GNG2: variants seen among roughly 807,000 people sequenced by gnomAD.
The protein encoded by GNG2 is G protein subunit gamma 2.
A neutral mutation model predicts 5.5 loss-of-function variants in GNG2; 5 were observed. The ratio of observed to expected loss-of-function variants is 0.91; its 90% confidence interval spans 0.48 to 1.92. GNG2 has a LOEUF of 1.92. Ranked by LOEUF, GNG2 falls within the 30% of genes most tolerant of loss-of-function variation. GNG2 has a pLI of 0.01. For missense variants in GNG2, 55 were observed against 88.4 expected (o/e 0.62, Z 1.52); for synonymous variants, 28 against 32.0 (o/e 0.88, Z 0.42).
intron 1 of GNG2, among the ~76,000 whole-genome samples, chr14:51,869,946 A>G (rs1174638256): frequency 6.6e-6 from 1 of 152,218 alleles, no homozygotes; most frequent in Non-Finnish European, 1.5e-5. Context: ...TCCCGAGGCC[A>G]TGGAGCAGCC....
chr14:51,916,386 GA>G (rs1886623567), intron 2 of GNG2: 1 of 433,862 alleles, frequency 2.3e-6, no homozygotes, highest in Admixed American at 2.7e-5. Context: ...AATATGGTGG[GA>G]AAACGTGCAC....
intron 3 of GNG2, among the ~76,000 whole-genome samples, chr14:51,966,229 A>AAC (rs1889898086): frequency 6.7e-6 from 1 of 149,242 alleles, no homozygotes; most frequent in African/African-American, 2.5e-5. Flanking sequence ...AAAAAAAAAA[A>AAC]AAAAAAAACA....
chr14:51,827,870 C>A, intron 2 of GNG2: 1 of 622,992 alleles, frequency 1.6e-6, no homozygotes, highest in South Asian at 1.9e-5. Flanking sequence ...AGTGTTTATT[C>A]TCTGAGGGAA....
At chr14:51,951,661 C>T (rs1196996064) in intron 3 of GNG2, among the ~76,000 whole-genome samples, 1 of 152,216 alleles carries the variant, frequency 6.6e-6, no homozygotes, top group African/African-American at 2.4e-5. Context: ...CCTAATTCAG[C>T]ACCTGGGCAA....
intron 2 of GNG2, among the ~76,000 whole-genome samples, chr14:51,837,524 G>A (rs1881364819): frequency 1.3e-5 from 2 of 151,918 alleles, no homozygotes; most frequent in Admixed American, 6.6e-5. Context: ...TCGCATGCCT[G>A]TAGTTTCAGC....
At chr14:51,951,329 C>T (rs1392886437) in intron 3 of GNG2, among the ~76,000 whole-genome samples, 1 of 152,182 alleles carries the variant, frequency 6.6e-6, no homozygotes, top group Non-Finnish European at 1.5e-5. Flanking sequence ...TTTCCTCTCC[C>T]TCCCCAGACC....
At chr14:51,876,409 C>T (rs1342652814) in intron 1 of GNG2, among the ~76,000 whole-genome samples, 1 of 152,206 alleles carries the variant, frequency 6.6e-6, no homozygotes, top group African/African-American at 2.4e-5. Context: ...ATCACTAAAA[C>T]AATGACTGAG....
At chr14:51,850,923 A>G (rs777950928) in intron 2 of GNG2, among the ~76,000 whole-genome samples, 24 of 151,522 alleles carry the variant, frequency 1.6e-4, no homozygotes, top group Non-Finnish European at 3.2e-4. Flanking sequence ...TGATCAAAAC[A>G]CCTCCCACCA....
chr14:51,895,506 A>G (rs531266660), intron 2 of GNG2, among the ~76,000 whole-genome samples: 2 of 152,352 alleles, frequency 1.3e-5, no homozygotes, highest in Admixed American at 1.3e-4. Context: ...AACTTCAGTG[A>G]GGAAGAAATC....
upstream of GNG2, among the ~76,000 whole-genome samples, chr14:51,859,335 GA>G (rs1258465575): frequency 6.6e-6 from 1 of 152,188 alleles, no homozygotes; most frequent in Non-Finnish European, 1.5e-5. Context: ...GTACTAGGGG[GA>G]GAATGACTCA....
intron 1 of GNG2, among the ~76,000 whole-genome samples, chr14:51,826,710 A>G (rs947287104): frequency 1.3e-5 from 2 of 152,228 alleles, no homozygotes; most frequent in African/African-American, 4.8e-5. Context: ...AAAATATAGA[A>G]AGAAATCACA....
intron 2 of GNG2, chr14:51,912,983 G>A (rs1460251944): frequency 6.6e-6 from 1 of 152,078 alleles, no homozygotes; most frequent in African/African-American, 2.4e-5. Flanking sequence ...AATTGAACCT[G>A]TAAGCTTATG....
chr14:51,935,144 C>T (rs1887912280), intron 2 of GNG2, among the ~76,000 whole-genome samples: 1 of 152,006 alleles, frequency 6.6e-6, no homozygotes, highest in Admixed American at 6.5e-5. Context: ...CCTACCTCCG[C>T]CTCCCAAGTA....
intron 2 of GNG2, among the ~76,000 whole-genome samples, chr14:51,932,213 C>G (rs1363504064): frequency 3.1e-4 from 41 of 131,400 alleles, no homozygotes; most frequent in African/African-American, 1.0e-3. Context: ...CACCACTGCA[C>G]TCCAGCCTGG....
At chr14:51,928,948 T>C (rs1887500911) in intron 2 of GNG2, among the ~76,000 whole-genome samples, 1 of 152,236 alleles carries the variant, frequency 6.6e-6, no homozygotes, top group South Asian at 2.1e-4. Context: ...TAATAAATGA[T>C]GTGCTTTCGT....
At chr14:51,954,505 A>C (rs1476597616) in intron 3 of GNG2, among the ~76,000 whole-genome samples, 1 of 152,222 alleles carries the variant, frequency 6.6e-6, no homozygotes, top group Non-Finnish European at 1.5e-5. Context: ...TTTATTCATC[A>C]TTGTATTAGG....
chr14:51,829,615 C>A (rs1397403907), intron 2 of GNG2, among the ~76,000 whole-genome samples: 1 of 152,220 alleles, frequency 6.6e-6, no homozygotes, highest in East Asian at 1.9e-4. Context: ...TGACCCATTC[C>A]CTTGCTCTCT....
At chr14:51,951,367 G>A (rs939920135) in intron 3 of GNG2, among the ~76,000 whole-genome samples, 28 of 152,086 alleles carry the variant, frequency 1.8e-4, no homozygotes, top group African/African-American at 4.8e-5. Context: ...TGTAAGCTGG[G>A]GCTAATTCAT....
At chr14:51,895,581 A>G (rs1385812178) in intron 2 of GNG2, among the ~76,000 whole-genome samples, 5 of 152,260 alleles carry the variant, frequency 3.3e-5, no homozygotes, top group African/African-American at 1.2e-4. Flanking sequence ...GCTGAAATTA[A>G]GACCATGAAC....
Sources: gnomAD v4.1 joint callset for allele counts (sites outside exome capture counted in the v4.1 genomes callset) on GRCh38, gnomAD v4.1.1 for gene constraint, MANE v1.5 for transcripts, NCBI Gene and HGNC (gene_info 2026-07-23, HGNC 2026-07-21) for gene names.